Variants in TLE2 observed in about 807,000 individuals in gnomAD.
TLE2 encodes TLE family member 2, transcriptional corepressor.
TLE2 carries 74 observed loss-of-function variants against 97.2 expected under a neutral mutation model. That is an observed-to-expected ratio of 0.76 (90% confidence interval 0.63 to 0.92). The LOEUF (loss-of-function observed/expected upper bound fraction) is 0.92. TLE2 is among the 40% of genes least tolerant of loss of function. TLE2 has a pLI of 0.00. For synonymous variants in TLE2, 499 were observed against 432.1 expected, an observed-to-expected ratio of 1.15 and a Z score of -1.92; for missense variants, 1,038 against 1,008.7, an observed-to-expected ratio of 1.03 and a Z score of -0.39.
At chr19:3,038,154 A>G (rs1656310551) in intron 1 of TLE2, among the ~76,000 whole-genome samples, 1 of 152,038 alleles carries the variant, frequency 6.6e-6, no homozygotes, top group African/African-American at 2.4e-5. Context: ...CAATAATAAT[A>G]ATGCATAGTA....
chr19:3,019,677 G>T lies in TLE2; in HGVS notation c.369+22C>A, dbSNP rs760830784. 3.1e-6 allele frequency: 5 copies of T among 1,599,988 alleles called. No homozygotes were observed. Among genetic ancestry groups the T allele is most frequent in the Non-Finnish European group, 4.3e-6 (5 of 1,173,554 alleles). Reference sequence around the variant, plus strand: ...GGGAGTGGGCGTCTCCCCATGGCGGGGCAGGGGCTAGAGAGACTCACCCCG... The same window carrying T: ...GGGAGTGGGCGTCTCCCCATGGCGGTGCAGGGGCTAGAGAGACTCACCCCG... On this transcript the variant is annotated intron_variant, in intron 6 of 19. Coordinates refer to ENST00000262953, the MANE Select transcript of TLE2 (RefSeq NM_003260.5). This position sits in a 1 kb window ranked among gnomAD's most constrained non-coding sequence, Gnocchi z 5.1.
chr19:3,009,002 C>T, intron 13 of TLE2, 57 bp from the exon 14 acceptor site: 2 of 1,377,928 alleles, frequency 1.5e-6, no homozygotes, highest in Non-Finnish European at 2.0e-6. Flanking sequence ...CACCTCTGTG[C>T]CACCCCACGC....
At chr19:3,014,186 CTGGGA>C (rs1315977166) in intron 10 of TLE2, among the ~76,000 whole-genome samples, 1 of 152,148 alleles carries the variant, frequency 6.6e-6, no homozygotes, top group Non-Finnish European at 1.5e-5. Context: ...TCCCAAAGTG[CTGGGA>C]TCACAGGTGT....
At chr19:3,022,608 C>T (rs2089866655) in intron 5 of TLE2, among the ~76,000 whole-genome samples, 1 of 151,972 alleles carries the variant, frequency 6.6e-6, no homozygotes, top group Admixed American at 6.6e-5. Flanking sequence ...TAAATGATCA[C>T]ACGGGGCTGG....
intron 7 of TLE2, among the ~76,000 whole-genome samples, chr19:3,018,651 C>G (rs1170870047): frequency 6.7e-6 from 1 of 149,890 alleles, no homozygotes; most frequent in Non-Finnish European, 1.5e-5. Context: ...GTCTCACTCT[C>G]TCACTCAGGC....
intron 2 of TLE2, 79 bp from the exon 3 acceptor site, chr19:3,028,461 C>T: frequency 1.4e-6 from 2 of 1,417,890 alleles, no homozygotes; most frequent in East Asian, 4.9e-5. Flanking sequence ...TGGATCTCCC[C>T]CTCCCGACTT....
intron 19 of TLE2, among the ~76,000 whole-genome samples, chr19:2,999,595 C>G (rs4361051): frequency 6.6e-6 from 1 of 151,388 alleles, no homozygotes; most frequent in South Asian, 2.1e-4. Flanking sequence ...GGTGTGGTGG[C>G]GGGTACCTGG....
chr19:3,043,364 C>CTTTT (rs71337196), intron 1 of TLE2, among the ~76,000 whole-genome samples: 48 of 108,898 alleles, frequency 4.4e-4, no homozygotes, highest in African/African-American at 8.3e-4. Context: ...CCTTCTGCAG[C>CTTTT]TTTTTTTTTT....
At chr19:3,039,225 C>CAAAA (rs1198237452) in intron 1 of TLE2, among the ~76,000 whole-genome samples, 1 of 103,872 alleles carries the variant, frequency 9.6e-6, no homozygotes, top group Non-Finnish European at 2.0e-5. Context: ...TTCCCCACTC[C>CAAAA]AAAAAAAAAA....
Position 3,029,231 on chromosome 19 carries a change from C to T in TLE2, c.-327G>A, listed in dbSNP as rs2089998335. The T allele has an allele frequency of 3.1e-6, 1 of 319,204 alleles. No homozygotes were observed. The highest frequency in any genetic ancestry group is 4.4e-6 in the Non-Finnish European group (1 of 225,192). The allele number at this position is 319,204 out of a possible 1,614,324, so 19.8% of individuals were successfully genotyped here. A position where few individuals can be genotyped will look rare whatever the true frequency, so the allele number is the denominator to read the frequency against. ...CGCGGCCGGGTTTCGGTGGCGGCGG[C>T]GCGGGCGGCGGGCCCCGCGCGGAGC... is the stretch of plus-strand genomic sequence containing the variant. On this transcript the variant is annotated 5_prime_UTR_variant, in exon 1 of 20. Coordinates refer to ENST00000262953, the MANE Select transcript of TLE2 (RefSeq NM_003260.5).
At chr19:3,028,014 T>TCCCAGAGG (rs2089974563) in intron 3 of TLE2, 141 bp from the exon 4 acceptor site, 11 of 878,520 alleles carry the variant, frequency 1.3e-5, no homozygotes, top group African/African-American at 8.5e-5. Context: ...CTCCACGGGG[T>TCCCAGAGG]CCCAGAGGAG....
At chr19:3,023,625 T>G (rs539848458) in intron 5 of TLE2, among the ~76,000 whole-genome samples, 3 of 152,014 alleles carry the variant, frequency 2.0e-5, no homozygotes. Context: ...CTGGGTACAG[T>G]GGCTCACACC....
chr19:3,017,853 C>T lies in TLE2; in HGVS notation c.557G>A (p.Arg186Lys). 1.2e-6 allele frequency: 2 copies of T among 1,612,418 alleles called. No individual in the cohort carries two copies. Among genetic ancestry groups the T allele is most frequent in the East Asian group, 2.2e-5 (1 of 44,770 alleles). The change falls in exon 8 of 20, where the codon AGA becomes AAA. Residue 186 changes from arginine (R) to lysine (K), a missense_variant. By Grantham distance (26) the Arg-to-Lys change is conservative (BLOSUM62 2). Coordinates refer to ENST00000262953, the MANE Select transcript of TLE2 (RefSeq NM_003260.5). ...GVEAEGSRVE[R>K]APSRSASPSP... ...CCACTCACTTACCCTGCTCGGGGCT[C>T]TCTCCACTGACAGATTGGGAATGGG...
At chr19:3,041,579 GTC>G (rs930019635) in intron 1 of TLE2, among the ~76,000 whole-genome samples, 3 of 152,130 alleles carry the variant, frequency 2.0e-5, no homozygotes, top group Non-Finnish European at 4.4e-5. Context: ...AAGCAGCCCC[GTC>G]TCTCTCTGTC....
At position 3,013,711 on chromosome 19, in the gene TLE2, A is replaced by G. The variant is rs2145155987; in HGVS notation, c.831T>C (p.Ser277=). The change falls in exon 11 of 20, where the codon TCT becomes TCC. Residue 277 remains serine (S), a synonymous_variant. Coordinates refer to ENST00000262953, the MANE Select transcript of TLE2 (RefSeq NM_003260.5). ...CTCTAGGCAGCGGTGAGCCAAGGCT[A>G]GAGGCCAAGGAGGCTGGACTGTCCA... is the stretch of plus-strand genomic sequence containing the variant. The part of the protein sequence containing the change: ...DLVDSPASLA[S]SLGSPLPRAK... 6.6e-7 allele frequency: 1 copy of G among 1,524,990 alleles called. No homozygotes were observed. The highest frequency in any genetic ancestry group is 2.6e-5 in the East Asian group (1 of 38,218). The allele number at this position is 1,524,990 out of a possible 1,614,324, so 94.5% of individuals were successfully genotyped here. A position where few individuals can be genotyped will look rare whatever the true frequency, so the allele number is the denominator to read the frequency against.
intron 14 of TLE2, among the ~76,000 whole-genome samples, chr19:3,008,490 G>T (rs544181913): frequency 5.1e-4 from 72 of 140,260 alleles, no homozygotes; most frequent in Non-Finnish European, 8.4e-4. Flanking sequence ...TCGCTCTATT[G>T]CCCAGGCTGG....
intron 12 of TLE2, among the ~76,000 whole-genome samples, 175 bp from the exon 13 acceptor site, chr19:3,009,877 TTCTC>T (rs199798455): frequency 8.8e-6 from 1 of 114,280 alleles, no homozygotes; most frequent in South Asian, 2.6e-4. Flanking sequence ...GGACACGACT[TTCTC>T]TCTCTCTTTT....
intron 1 of TLE2, among the ~76,000 whole-genome samples, chr19:3,041,441 C>A (rs1177948129): frequency 6.6e-6 from 1 of 152,120 alleles, no homozygotes; most frequent in African/African-American, 2.4e-5. Context: ...GCTTCGCCAC[C>A]GGGATTCCCT....
intron 1 of TLE2, among the ~76,000 whole-genome samples, chr19:3,040,404 G>A (rs1348072684): frequency 1.3e-5 from 2 of 151,906 alleles, no homozygotes; most frequent in South Asian, 2.1e-4. Flanking sequence ...GCAGTGGCTC[G>A]ATTTCTGTTC....
Sources: allele counts gnomAD v4.1 joint callset (sites outside exome capture counted in the v4.1 genomes callset), GRCh38; gene constraint gnomAD v4.1.1; non-coding constraint Gnocchi (gnomAD v3.1); transcripts MANE v1.5; gene names NCBI Gene and HGNC (gene_info 2026-07-23, HGNC 2026-07-21).